DUS1L: variants seen among roughly 807,000 people sequenced by gnomAD.
DUS1L encodes tRNA-dihydrouridine(16/17) synthase [NAD(P)(+)]-like.
Under a neutral mutation model 61.2 loss-of-function variants are expected in DUS1L, and 56 were observed. The ratio of observed to expected loss-of-function variants is 0.92; its 90% CI spans 0.74 to 1.14. The LOEUF (loss-of-function observed/expected upper bound fraction) is 1.14, where lower values mean the gene tolerates loss of function less well. Among genes scored for constraint, DUS1L ranks in the 50% most tolerant of loss-of-function variants. DUS1L has a pLI of 0.00. For missense variants in DUS1L, 630 were observed against 632.4 expected (o/e 1.00, Z 0.04); for synonymous variants, 278 against 259.5 (o/e 1.07, Z -0.69).
chr17:82,061,211 G>A lies in DUS1L; in HGVS notation c.840C>T (p.His280=), dbSNP rs758147265. The A allele has an allele frequency of 6.3e-7, 1 of 1,587,536 alleles. No individual in the cohort carries two copies. The highest frequency in any genetic ancestry group is 2.2e-5 in the East Asian group (1 of 44,450). Residue 280 remains histidine, a splice_region_variant and synonymous_variant, in exon 8 of 14, where the codon CAC becomes CAT. Transcript: ENST00000306796. The part of the protein sequence containing the change: ...VRAHLFKLWH[H]TLQVHQELRE... Reference sequence around the variant, plus strand: ...TTCTGCCTTAGGGGGCAACTCACGTGTGGTGCCACAGCTTGAAGAGGTGGG... The same window carrying A: ...TTCTGCCTTAGGGGGCAACTCACGTATGGTGCCACAGCTTGAAGAGGTGGG...
chr17:82,065,195 T>C, intron 1 of DUS1L, 126 bp from the exon 2 acceptor site: 1 of 813,568 alleles, frequency 1.2e-6, no homozygotes, highest in South Asian at 1.9e-5. Flanking sequence ...GCGGGGGCAC[T>C]AAAGGCGGGG....
At chr17:82,062,582 G>T (rs2033561103) in intron 5 of DUS1L, among the ~76,000 whole-genome samples, 1 of 152,266 alleles carries the variant, frequency 6.6e-6, no homozygotes, top group African/African-American at 2.4e-5. Flanking sequence ...CCCCAAAGGA[G>T]GCCCTGCCGG....
intron 7 of DUS1L, 93 bp downstream of exon 7, chr17:82,061,525 G>A (rs773556454): frequency 6.9e-7 from 1 of 1,445,902 alleles, no homozygotes; most frequent in Non-Finnish European, 9.5e-7. Flanking sequence ...ACAGCACCAT[G>A]GGGAGGGCAG....
intron 4 of DUS1L, chr17:82,063,185 G>A: frequency 3.2e-6 from 2 of 629,848 alleles, no homozygotes; most frequent in Non-Finnish European, 5.5e-6. Flanking sequence ...AAACAAGCAG[G>A]GCCAAGGCCG....
Position 82,057,702 on chromosome 17 carries a change from T to G in DUS1L, c.*413A>C. 1 of 207,634 alleles carries G rather than the reference T, an allele frequency of 4.8e-6. No homozygotes were observed. The allele number at this position is 207,634 out of a possible 1,614,324, so 12.9% of individuals were successfully genotyped here. A position where few individuals can be genotyped will look rare whatever the true frequency, so the allele number is the denominator to read the frequency against. The stretch of plus-strand genomic sequence containing the variant: ...CCCGGAGGCTTTGGCCACTTGCCTA[T>G]GGAGGCGCCTAGGGGAGGTGGGGAG... On this transcript the variant is annotated 3_prime_UTR_variant, in exon 14 of 14. Transcript: ENST00000306796.
At chr17:82,059,673 A>C (rs2033362494) in intron 11 of DUS1L, 1 of 483,250 alleles carries the variant, frequency 2.1e-6, no homozygotes, top group Non-Finnish European at 3.7e-6. Context: ...CGAGGCCCTG[A>C]GCTGTAGACG....
At chr17:82,058,980 T>C in intron 11 of DUS1L, 162 bp from the exon 12 acceptor site, 1 of 663,212 alleles carries the variant, frequency 1.5e-6, no homozygotes, top group Non-Finnish European at 2.7e-6. Context: ...GCTGGCCACG[T>C]CTGCTTTTCC....
rs756577680 is a variant in DUS1L, at chr17:82,060,718, C to G, written c.1005G>C (p.Gln335His). The G allele has an allele frequency of 1.9e-6, 3 of 1,612,934 alleles. No individual in the cohort carries two copies. The highest frequency in any genetic ancestry group is 2.5e-6 in the Non-Finnish European group (3 of 1,179,876). The change falls in exon 10 of 14, where the codon CAG (glutamine) becomes CAC (histidine). Residue 335 changes from glutamine to histidine, a missense_variant. By Grantham distance (24) the Gln-to-His change is conservative. Coordinates refer to ENST00000306796, the MANE Select transcript of DUS1L (RefSeq NM_022156.5). ...TGDLPFHWIC[Q>H]PYIRPGPREG... ...GCTCTCACCCCGGCCGGATGTAGGG[C>G]TGGCAGATCCAGTGGAAGGGCAAGT...
At chr17:82,062,290 A>G (rs928696600) in intron 5 of DUS1L, among the ~76,000 whole-genome samples, 5 of 152,112 alleles carry the variant, frequency 3.3e-5, no homozygotes, top group African/African-American at 1.2e-4. Flanking sequence ...CCCACTGCCC[A>G]AGGCCAAAGG....
chr17:82,061,029 G>T (rs2033465622), intron 8 of DUS1L, 68 bp from the exon 9 acceptor site: 2 of 1,561,368 alleles, frequency 1.3e-6, no homozygotes, highest in South Asian at 2.3e-5. Context: ...GCTGAGCACT[G>T]GGCACACGGG....
At chr17:82,060,123 G>C (rs770696836) in intron 10 of DUS1L, 30 bp from the exon 11 acceptor site, 1 of 1,604,920 alleles carries the variant, frequency 6.2e-7, no homozygotes, top group East Asian at 2.2e-5. Flanking sequence ...CAGAGCCCAA[G>C]GACACTGTGA....
chr17:82,064,780 C>CA (rs1555661908), intron 2 of DUS1L, 43 bp downstream of exon 2: 3 of 1,560,110 alleles, frequency 1.9e-6, no homozygotes, highest in African/African-American at 1.4e-5. Flanking sequence ...ATTCCAGGAC[C>CA]GGGAACCCAA....
chr17:82,065,342 G>A, intron 1 of DUS1L: 1 of 419,088 alleles, frequency 2.4e-6, no homozygotes, highest in East Asian at 3.7e-5. Flanking sequence ...CTGGCGTGAA[G>A]GGGGAAGAAA....
At position 82,064,933 on chromosome 17, in the gene DUS1L, G is replaced by C. The variant is rs762067843; in HGVS notation, c.127C>G (p.Leu43Val). The C allele has an allele frequency of 2.5e-6, 4 of 1,612,646 alleles. No homozygotes were observed. The highest frequency in any genetic ancestry group is 3.4e-6 in the Non-Finnish European group (4 of 1,179,874). Residue 43 changes from leucine to valine, a missense_variant, in exon 2 of 14, where the codon CTC (leucine) becomes GTC (valine). Physicochemically the swap from Leu to Val is conservative, Grantham distance 32. Coordinates refer to ENST00000306796, the MANE Select transcript of DUS1L (RefSeq NM_022156.5). ...GCATGCAGCATGGGCGTGTAGCAGA[G>C]CTGTGCCCCGTGGCGCCGGCTCAGC... ...RLLSRRHGAQ[L>V]CYTPMLHAQV... is the part of the protein sequence containing the mutation.
chr17:82,059,581 ACACT>A, intron 11 of DUS1L: 1 of 243,900 alleles, frequency 4.1e-6, no homozygotes, highest in Non-Finnish European at 7.9e-6. Flanking sequence ...ACCCATGCAC[ACACT>A]CCCGGGGACC....
chr17:82,059,668 C>T, intron 11 of DUS1L: 1 of 475,052 alleles, frequency 2.1e-6, no homozygotes, highest in Middle Eastern at 5.6e-4. Context: ...GGACCCGAGG[C>T]CCTGAGCTGT....
At chr17:82,065,460 G>T (rs938171206) in intron 1 of DUS1L, 153 bp downstream of exon 1, 1 of 183,804 alleles carries the variant, frequency 5.4e-6, no homozygotes, top group Non-Finnish European at 1.1e-5. Flanking sequence ...CGGGCCAGGG[G>T]AAGGGCAGAG....
At chr17:82,061,436 C>T in intron 7 of DUS1L, 83 bp from the exon 8 acceptor site, 1 of 1,515,116 alleles carries the variant, frequency 6.6e-7, no homozygotes, top group Non-Finnish European at 8.9e-7. Context: ...CTCAGGACAC[C>T]CTTCTGTGCC....
At chr17:82,058,495 T>G in intron 12 of DUS1L, 79 bp from the exon 13 acceptor site, 5 of 1,470,042 alleles carry the variant, frequency 3.4e-6, no homozygotes, top group Non-Finnish European at 4.5e-6. Flanking sequence ...GCAGCCCCAC[T>G]GGGGAAGCCT....
Sources: allele counts gnomAD v4.1 joint callset (sites outside exome capture counted in the v4.1 genomes callset), GRCh38; gene constraint gnomAD v4.1.1; transcripts MANE v1.5; gene names NCBI Gene and HGNC (gene_info 2026-07-23, HGNC 2026-07-21).